Variants in ABL1 observed in about 807,000 individuals in gnomAD.
ABL1 encodes tyrosine-protein kinase ABL1.
A neutral mutation model predicts 94.7 loss-of-function variants in ABL1; 11 were observed. The observed-to-expected ratio is 0.12, with a 90% confidence interval of 0.07 to 0.19. The LOEUF (loss-of-function observed/expected upper bound fraction) is 0.19, where lower values mean the gene tolerates loss of function less well. Among genes scored for constraint, ABL1 ranks in the 10% least tolerant of loss-of-function variants. ABL1 has a pLI of 1.00. For missense variants in ABL1, 1,082 were observed against 1,489.4 expected, an observed-to-expected ratio of 0.73 and a Z score of 4.50; for synonymous variants, 656 against 622.4, an observed-to-expected ratio of 1.05 and a Z score of -0.80.
intron 4 of ABL1, among the ~76,000 whole-genome samples, chr9:130,865,825 G>A (rs1026494345): frequency 1.3e-5 from 2 of 150,088 alleles, no homozygotes; most frequent in South Asian, 2.1e-4. Context: ...CAGCTTCATC[G>A]TGCCCTTGCT....
intron 1 of ABL1, among the ~76,000 whole-genome samples, chr9:130,760,909 C>T (rs1468536185): frequency 6.7e-6 from 1 of 148,726 alleles, no homozygotes; most frequent in Non-Finnish European, 1.5e-5. Context: ...TCGTGGTCAG[C>T]CCCCGCAAAG....
chr9:130,752,996 C>T (rs919508599), intron 1 of ABL1, among the ~76,000 whole-genome samples: 3 of 151,064 alleles, frequency 2.0e-5, no homozygotes, highest in Admixed American at 6.6e-5. Flanking sequence ...GTGGCTCACG[C>T]CTGTAGTCCC....
At position 130,761,903 on chromosome 9, in the gene ABL1, G is replaced by A. The variant is rs181473904; in HGVS notation, c.136+47448G>A. Among the ~76,000 whole-genome samples, 464 of 152,194 alleles carry A rather than the reference G, an allele frequency of 3.0e-3. 1 individual carries two copies. Among genetic ancestry groups the A allele is most frequent in the Non-Finnish European group, 4.4e-3 (297 of 68,012 alleles). On this transcript the variant is annotated intron_variant, in intron 1 of 10. Coordinates refer to the ABL1 transcript ENST00000372348. ...CACACCTGTAATCCCAGCACTTTGG[G>A]AGGCCGAGGCGGGTGGATCACCTGA... is the stretch of plus-strand genomic sequence containing the variant.
chr9:130,803,348 G>C (rs1830082027), intron 1 of ABL1, among the ~76,000 whole-genome samples: 1 of 152,078 alleles, frequency 6.6e-6, no homozygotes, highest in Admixed American at 6.6e-5. Flanking sequence ...GGCTCTCTTT[G>C]TTATTCATAG....
Position 130,835,421 on chromosome 9 carries a change from G to C in ABL1, c.-26G>C. On this transcript the variant is annotated 5_prime_UTR_variant, in exon 1 of 11. Coordinates refer to ENST00000318560, the MANE Select transcript of ABL1 (RefSeq NM_005157.6). The surrounding 1 kb of genome is among the most constrained non-coding windows in gnomAD (Gnocchi z 4.6). ...CGGACCGAGCTGGGAGAGGGGTTCC[G>C]GCCCCCGACGTGCTGGCGCGGGAAA... The C allele has an allele frequency of 1.5e-6, 2 of 1,347,234 alleles. 1 individual carries two copies. Among genetic ancestry groups the C allele is most frequent in the Non-Finnish European group, 1.9e-6 (2 of 1,043,882 alleles). 83.5% of individuals were successfully genotyped at this position (1,347,234 alleles called of 1,614,324 possible).
intron 1 of ABL1, among the ~76,000 whole-genome samples, chr9:130,816,792 C>T (rs1364793429): frequency 6.6e-6 from 1 of 152,182 alleles, no homozygotes; most frequent in Non-Finnish European, 1.5e-5. Flanking sequence ...CAACCTCCGC[C>T]TCCCGGGTTC....
intron 1 of ABL1, among the ~76,000 whole-genome samples, chr9:130,829,377 C>T (rs1246450380): frequency 6.6e-6 from 1 of 151,976 alleles, no homozygotes; most frequent in Admixed American, 6.6e-5. Flanking sequence ...TGGTGTAACA[C>T]AGTGAAACCC....
chr9:130,748,580 T>C (rs1460456213), intron 1 of ABL1, among the ~76,000 whole-genome samples: 4 of 145,714 alleles, frequency 2.7e-5, no homozygotes, highest in African/African-American at 1.0e-4. Context: ...GCCTAGCTAC[T>C]TTTTTTTTTT....
chr9:130,724,732 G>A (rs1831557124), intron 1 of ABL1: 3 of 410,502 alleles, frequency 7.3e-6, no homozygotes, highest in Non-Finnish European at 1.4e-5. Context: ...GGGCGACAGA[G>A]CGAAACCCTG....
intron 1 of ABL1, among the ~76,000 whole-genome samples, chr9:130,824,888 G>A (rs1588254149): frequency 6.6e-6 from 1 of 152,170 alleles, no homozygotes; most frequent in Admixed American, 6.5e-5. Flanking sequence ...TCCGTTTAGA[G>A]ATCCCATTGC....
At position 130,854,219 on chromosome 9, in the gene ABL1, A is replaced by G. The variant is rs759667064; in HGVS notation, c.235A>G (p.Thr79Ala). Residue 79 changes from threonine to alanine, a missense_variant, in exon 2 of 11, where the codon ACT becomes GCT. Around this residue, in one of 7 missense-constraint regions of ABL1, gnomAD observed 47 missense variants for 142.2 expected, o/e 0.33. Transcript: ENST00000318560. The part of the protein sequence containing the change: ...LYDFVASGDN[T>A]LSITKGEKLR... ...TGATTTTGTGGCCAGTGGAGATAAC[A>G]CTCTAAGCATAACTAAAGGTAAAAG... The G allele has an allele frequency of 1.2e-6, 2 of 1,613,738 alleles. No homozygotes were observed. The highest frequency in any genetic ancestry group is 1.7e-6 in the Non-Finnish European group (2 of 1,179,936).
chr9:130,829,619 T>G (rs747802411), intron 1 of ABL1, among the ~76,000 whole-genome samples: 8 of 150,774 alleles, frequency 5.3e-5, no homozygotes, highest in Admixed American at 4.6e-4. Flanking sequence ...GTTTTAGTGA[T>G]TGGAAAAAAT....
At chr9:130,764,205 A>T (rs1832153015) in intron 1 of ABL1, among the ~76,000 whole-genome samples, 1 of 152,106 alleles carries the variant, frequency 6.6e-6, no homozygotes, top group Admixed American at 6.5e-5. Flanking sequence ...CTTGAGGGAG[A>T]TCTTTCTTCT....
At chr9:130,798,683 G>T (rs537849199) in intron 1 of ABL1, among the ~76,000 whole-genome samples, 22 of 152,092 alleles carry the variant, frequency 1.4e-4, no homozygotes, top group East Asian at 3.9e-4. Context: ...GAATTGGAAG[G>T]GGGGGCCGGG....
intron 1 of ABL1, among the ~76,000 whole-genome samples, chr9:130,751,808 C>T (rs939947364): frequency 6.6e-6 from 1 of 152,242 alleles, no homozygotes; most frequent in African/African-American, 2.4e-5. Flanking sequence ...ACAGCAACGG[C>T]AGAAGCAACA....
rs900946540 is a variant in ABL1, at chr9:130,772,461, T to C, written c.136+58006T>C. On this transcript the variant is annotated intron_variant, in intron 1 of 10. Coordinates refer to the ABL1 transcript ENST00000372348. ...GACACTGGATTCAAATGCTAGACCT[T>C]ACTGGGTTGACGTTAGTAATAGACA... is the stretch of plus-strand genomic sequence containing the variant. Among the ~76,000 whole-genome samples, 14 of 152,206 alleles carry C rather than the reference T, an allele frequency of 9.2e-5. 1 individual carries two copies. The highest frequency in any genetic ancestry group is 3.4e-4 in the African/African-American group (14 of 41,442).
intron 1 of ABL1, among the ~76,000 whole-genome samples, chr9:130,794,959 GT>G (rs897108340): frequency 6.6e-6 from 1 of 152,108 alleles, no homozygotes; most frequent in Non-Finnish European, 1.5e-5. Flanking sequence ...CTGACTGCAG[GT>G]TTCTTCTTTC....
chr9:130,815,869 A>G (rs1830278800), intron 1 of ABL1, among the ~76,000 whole-genome samples: 1 of 152,026 alleles, frequency 6.6e-6, no homozygotes, highest in African/African-American at 2.4e-5. Flanking sequence ...TAAAAATACA[A>G]AAATTAGCTG....
chr9:130,866,725 C>A (rs1254287006), intron 4 of ABL1, among the ~76,000 whole-genome samples: 1 of 152,214 alleles, frequency 6.6e-6, no homozygotes, highest in Admixed American at 6.5e-5. Context: ...ACAGCAAAGG[C>A]TCATTGATTG....
Sources: gnomAD v4.1 joint callset for allele counts (sites outside exome capture counted in the v4.1 genomes callset) on GRCh38, gnomAD v4.1.1 for gene constraint, gnomAD v4.1.1 regional missense constraint, Gnocchi (gnomAD v3.1) non-coding constraint, MANE v1.5 for transcripts, NCBI Gene and HGNC (gene_info 2026-07-23, HGNC 2026-07-21) for gene names.